The following RALGPS2 variants were observed in gnomAD, a reference collection of about 807,000 sequenced individuals.
The protein encoded by RALGPS2 is ras-specific guanine nucleotide-releasing factor RalGPS2.
RALGPS2 carries 43 observed loss-of-function variants against 86.8 expected under a neutral mutation model. That is an observed-to-expected ratio of 0.50 (90% CI 0.39 to 0.64). The LOEUF (loss-of-function observed/expected upper bound fraction) is 0.64, where lower values mean the gene tolerates loss of function less well. RALGPS2 is among the 30% of genes least tolerant of loss of function. The pLI is 0.00. For synonymous variants in RALGPS2, 243 were observed against 231.3 expected (o/e 1.05, Z -0.46); for missense variants, 536 against 694.6 (o/e 0.77, Z 2.57).
In RALGPS2 at chr1:178,885,955, T is replaced by G; in HGVS notation, c.1041-14T>G. 3 of 1,565,824 alleles carry G rather than the reference T, an allele frequency of 1.9e-6. No individual in the cohort carries two copies. Among genetic ancestry groups the G allele is most frequent in the Non-Finnish European group, 2.6e-6 (3 of 1,158,012 alleles). ...ACAATAATAAAAGATATGAACTTTT[T>G]TTTCTGTTTCTAGTTTCATTCATAA... On this transcript the variant is annotated splice_polypyrimidine_tract_variant and intron_variant, in intron 12 of 19. Coordinates refer to ENST00000367635, the MANE Select transcript of RALGPS2 (RefSeq NM_152663.5).
At chr1:178,903,091 C>G (rs570416665) in intron 18 of RALGPS2, among the ~76,000 whole-genome samples, 4 of 152,246 alleles carry the variant, frequency 2.6e-5, no homozygotes, top group African/African-American at 7.2e-5. Flanking sequence ...ATCATAACAA[C>G]TGCTAGCTGT....
At chr1:178,817,301 C>G (rs1017232508) in intron 6 of RALGPS2, among the ~76,000 whole-genome samples, 5 of 141,810 alleles carry the variant, frequency 3.5e-5, no homozygotes, top group Middle Eastern at 7.6e-3. Context: ...GCTAAGATCA[C>G]GCCACTGCAC....
chr1:178,782,837 C>T (rs947510431), intron 2 of RALGPS2, among the ~76,000 whole-genome samples: 1 of 152,124 alleles, frequency 6.6e-6, no homozygotes, highest in African/African-American at 2.4e-5. Context: ...CCTATAACAA[C>T]ACCAAATTAT....
chr1:178,825,146 GC>G (rs1655691913), intron 7 of RALGPS2, among the ~76,000 whole-genome samples: 2 of 152,060 alleles, frequency 1.3e-5, no homozygotes, highest in Non-Finnish European at 1.5e-5. Flanking sequence ...AAACCAGTCA[GC>G]AGAGTTATGT....
intron 4 of RALGPS2, among the ~76,000 whole-genome samples, chr1:178,787,179 C>A (rs1653696942): frequency 6.6e-6 from 1 of 151,890 alleles, no homozygotes; most frequent in African/African-American, 2.4e-5. Context: ...AAATGAAATT[C>A]TTTATGCAAA....
chr1:178,756,464 T>C (rs900477775), intron 1 of RALGPS2, among the ~76,000 whole-genome samples: 2 of 152,170 alleles, frequency 1.3e-5, no homozygotes, highest in African/African-American at 4.8e-5. Context: ...ATCAGATGGC[T>C]GTAGCTGTTG....
At chr1:178,826,106 T>G (rs1395901725) in intron 7 of RALGPS2, among the ~76,000 whole-genome samples, 1 of 152,220 alleles carries the variant, frequency 6.6e-6, no homozygotes, top group East Asian at 1.9e-4. Flanking sequence ...TGGGATGGTT[T>G]TGTTTTGTTT....
chr1:178,758,587 T>C (rs1652070296), intron 1 of RALGPS2, among the ~76,000 whole-genome samples: 1 of 152,064 alleles, frequency 6.6e-6, no homozygotes, highest in African/African-American at 2.4e-5. Context: ...TAACCATCCT[T>C]CTCTCTGTCT....
At chr1:178,832,850 C>A (rs1266021643) in intron 7 of RALGPS2, among the ~76,000 whole-genome samples, 1 of 151,012 alleles carries the variant, frequency 6.6e-6, no homozygotes, top group Admixed American at 6.6e-5. Context: ...ATCTGCCTCT[C>A]AAGTGTCTTA....
At chr1:178,792,417 A>G (rs1236436801) in intron 4 of RALGPS2, among the ~76,000 whole-genome samples, 1 of 151,880 alleles carries the variant, frequency 6.6e-6, no homozygotes, top group Admixed American at 6.6e-5. Context: ...TACCTCCTAA[A>G]TTTTCTCCCC....
chr1:178,745,845 T>G (rs1201625890), intron 1 of RALGPS2, among the ~76,000 whole-genome samples: 1 of 147,260 alleles, frequency 6.8e-6, no homozygotes, highest in African/African-American at 2.5e-5. Flanking sequence ...TTTTTTTTTT[T>G]TGAGATTCAT....
intron 8 of RALGPS2, chr1:178,870,963 G>C (rs1465573048): frequency 1.3e-5 from 2 of 152,194 alleles, no homozygotes; most frequent in East Asian, 3.8e-4. Context: ...TATAGTGGAA[G>C]TTCTGGTCTG....
intron 8 of RALGPS2, among the ~76,000 whole-genome samples, chr1:178,870,226 T>C (rs1028622727): frequency 3.3e-5 from 5 of 152,202 alleles, no homozygotes; most frequent in African/African-American, 1.2e-4. Flanking sequence ...TATACTGTAA[T>C]TGAGATTTTG....
intron 8 of RALGPS2, among the ~76,000 whole-genome samples, chr1:178,874,384 G>A (rs954831590): frequency 2.6e-5 from 4 of 151,990 alleles, no homozygotes; most frequent in African/African-American, 9.7e-5. Context: ...ATTCAGAATA[G>A]ACCCACGAAA....
At chr1:178,913,602 G>A (rs1483901541) in intron 19 of RALGPS2, among the ~76,000 whole-genome samples, 8 of 152,190 alleles carry the variant, frequency 5.3e-5, no homozygotes, top group Non-Finnish European at 5.9e-5. Flanking sequence ...TCATCTGTGA[G>A]GGCTGATATT....
chr1:178,919,566 A>G lies in RALGPS2; in HGVS notation c.*3207A>G, dbSNP rs1660918324. ...TTATTAGCTTAAACTGGGGCCCTCAAAGAGCAGCCTGTTGATCTTTTGGCC... is the reference window on the plus strand; with the variant it reads ...TTATTAGCTTAAACTGGGGCCCTCAGAGAGCAGCCTGTTGATCTTTTGGCC... On this transcript the variant is annotated 3_prime_UTR_variant, in exon 20 of 20. Transcript: ENST00000367635. 6.6e-6 allele frequency: 1 copy of G among 152,040 alleles called. No individual in the cohort carries two copies. The highest frequency in any genetic ancestry group is 6.6e-5 in the Admixed American group (1 of 15,258). 9.4% of individuals were successfully genotyped at this position (152,040 alleles called of 1,614,324 possible). A position where few individuals can be genotyped will look rare whatever the true frequency, so the allele number is the denominator to read the frequency against.
At chr1:178,742,132 CAAAAAAA>C (rs34861793) in intron 1 of RALGPS2, among the ~76,000 whole-genome samples, 30 of 82,700 alleles carry the variant, frequency 3.6e-4, no homozygotes, top group Non-Finnish European at 6.2e-4. Flanking sequence ...AAGATTCCGT[CAAAAAAA>C]AAAAAAAAAA....
intron 1 of RALGPS2, among the ~76,000 whole-genome samples, chr1:178,759,451 C>A (rs1652120784): frequency 6.6e-6 from 1 of 151,212 alleles, no homozygotes; most frequent in South Asian, 2.1e-4. Flanking sequence ...TGTTTTTATG[C>A]CAGTACATGC....
intron 8 of RALGPS2, chr1:178,850,871 C>T (rs1428783290): frequency 6.6e-6 from 2 of 304,698 alleles, no homozygotes; most frequent in Non-Finnish European, 1.2e-5. Context: ...CAAATATTTA[C>T]ATTTTAGAAA....
Sources: allele counts gnomAD v4.1 joint callset (sites outside exome capture counted in the v4.1 genomes callset), GRCh38; gene constraint gnomAD v4.1.1; transcripts MANE v1.5; gene names NCBI Gene and HGNC (gene_info 2026-07-23, HGNC 2026-07-21).